LTBP1: variants seen among roughly 807,000 people sequenced by gnomAD.
The protein encoded by LTBP1 is latent-transforming growth factor beta-binding protein 1.
Under a neutral mutation model 207.6 loss-of-function variants are expected in LTBP1, and 129 were observed. That is an observed-to-expected ratio of 0.62 (90% CI 0.54 to 0.72). The LOEUF is 0.72. Among genes scored for constraint, LTBP1 ranks in the 30% least tolerant of loss-of-function variants. The probability of loss-of-function intolerance (pLI) is 0.00; values close to 1 mark genes in which losing one functional copy is unlikely to be tolerated. For synonymous variants in LTBP1, 963 were observed against 833.7 expected, an observed-to-expected ratio of 1.16 and a Z score of -2.67; for missense variants, 2,281 against 2,217.2, an observed-to-expected ratio of 1.03 and a Z score of -0.58.
intron 3 of LTBP1, among the ~76,000 whole-genome samples, chr2:33,088,438 C>T (rs2078880937): frequency 2.0e-5 from 3 of 151,348 alleles, no homozygotes; most frequent in South Asian, 4.2e-4. Flanking sequence ...GGCGACAGGG[C>T]GAGACTCCAT....
intron 5 of LTBP1, among the ~76,000 whole-genome samples, chr2:33,179,147 G>A (rs2086366657): frequency 6.6e-6 from 1 of 152,168 alleles, no homozygotes; most frequent in South Asian, 2.1e-4. Flanking sequence ...GGCTTTGAAT[G>A]CGGCCCAACA....
At chr2:33,264,605 A>G (rs1303022307) in intron 15 of LTBP1, among the ~76,000 whole-genome samples, 1 of 152,218 alleles carries the variant, frequency 6.6e-6, no homozygotes, top group Non-Finnish European at 1.5e-5. Flanking sequence ...GTAGGAAAAA[A>G]CAATACCAAG....
At chr2:33,363,148 C>A (rs1187833177) in intron 28 of LTBP1, among the ~76,000 whole-genome samples, 1 of 152,204 alleles carries the variant, frequency 6.6e-6, no homozygotes, top group African/African-American at 2.4e-5. Flanking sequence ...TTTACAAATA[C>A]ACTTCTCCTA....
chr2:33,386,604 C>T (rs2095267410), intron 31 of LTBP1, among the ~76,000 whole-genome samples: 2 of 152,188 alleles, frequency 1.3e-5, no homozygotes, highest in African/African-American at 4.8e-5. Context: ...GTGATAGGAT[C>T]GCTTGAGCCT....
intron 22 of LTBP1, among the ~76,000 whole-genome samples, chr2:33,306,099 T>C (rs2094087364): frequency 6.6e-6 from 1 of 152,224 alleles, no homozygotes; most frequent in South Asian, 2.1e-4. Flanking sequence ...TTCTTATTGC[T>C]TTGAAGACAG....
chr2:33,189,641 A>C (rs1236100935), intron 7 of LTBP1, among the ~76,000 whole-genome samples: 1 of 152,208 alleles, frequency 6.6e-6, no homozygotes, highest in Non-Finnish European at 1.5e-5. Context: ...CTTTTGCAGT[A>C]GTTTTGTTCA....
At chr2:33,036,798 TTAAA>T (rs906915132) in intron 3 of LTBP1, among the ~76,000 whole-genome samples, 2 of 152,180 alleles carry the variant, frequency 1.3e-5, no homozygotes, top group African/African-American at 2.4e-5. Context: ...GTTGCATAGT[TTAAA>T]AAGCTTTTTT....
At position 33,020,938 on chromosome 2, in the gene LTBP1, G is replaced by T. The variant is rs1475192894; in HGVS notation, c.595G>T (p.Gly199Trp). Residue 199 changes from glycine (G) to tryptophan (W), a missense_variant, in exon 3 of 34, where the codon GGG becomes TGG. By Grantham distance (184) the Gly-to-Trp change is radical (BLOSUM62 -2). Around this residue, in one of 3 missense-constraint regions of LTBP1, gnomAD observed 555 missense variants for 491.0 expected, o/e 1.13. Coordinates refer to ENST00000404816, the MANE Select transcript of LTBP1 (RefSeq NM_206943.4). ...PSCVPPCQNGGMCLRPQLCVC... is the reference protein window; with the variant it reads ...PSCVPPCQNGWMCLRPQLCVC... Reference sequence around the variant, plus strand: ...CTGTGTTCCGCCATGTCAGAATGGAGGGATGTGTCTCCGGCCACAACTCTG... The same window carrying T: ...CTGTGTTCCGCCATGTCAGAATGGATGGATGTGTCTCCGGCCACAACTCTG... 6.3e-7 allele frequency: 1 copy of T among 1,594,934 alleles called. No individual in the cohort carries two copies. Among genetic ancestry groups the T allele is most frequent in the African/African-American group, 1.3e-5 (1 of 74,702 alleles).
At chr2:33,080,534 A>G (rs1324683816) in intron 3 of LTBP1, among the ~76,000 whole-genome samples, 3 of 152,258 alleles carry the variant, frequency 2.0e-5, no homozygotes, top group African/African-American at 7.2e-5. Flanking sequence ...GTATGCATTC[A>G]TATTATTGTA....
chr2:33,040,038 G>A (rs1173911168), intron 3 of LTBP1, among the ~76,000 whole-genome samples: 1 of 152,166 alleles, frequency 6.6e-6, no homozygotes, highest in African/African-American at 2.4e-5. Context: ...TTTGGAATCT[G>A]GGAGTGGTTG....
intron 24 of LTBP1, among the ~76,000 whole-genome samples, chr2:33,331,292 A>G (rs901962845): frequency 6.6e-6 from 1 of 151,564 alleles, no homozygotes; most frequent in African/African-American, 2.4e-5. Flanking sequence ...CTTTATTTCT[A>G]ACTACTTGAA....
At chr2:33,231,517 G>A (rs889424941) in intron 9 of LTBP1, among the ~76,000 whole-genome samples, 2 of 152,184 alleles carry the variant, frequency 1.3e-5, no homozygotes, top group Non-Finnish European at 2.9e-5. Context: ...CAAAGCGCTT[G>A]TCTGGACTGT....
chr2:33,357,274 A>C (rs138481793), intron 26 of LTBP1, among the ~76,000 whole-genome samples: 209 of 151,824 alleles, frequency 1.4e-3, no homozygotes, highest in African/African-American at 4.8e-3. Context: ...GCTCAAACCT[A>C]CTCCTTCCTA....
chr2:33,265,729 T>G (rs545331683), intron 15 of LTBP1, among the ~76,000 whole-genome samples: 2 of 152,140 alleles, frequency 1.3e-5, no homozygotes, highest in East Asian at 1.9e-4. Flanking sequence ...TTTAAGTGTT[T>G]TATTTTAGAT....
chr2:33,337,077 T>A (rs1222507981), intron 24 of LTBP1, among the ~76,000 whole-genome samples: 1 of 152,234 alleles, frequency 6.6e-6, no homozygotes, highest in East Asian at 1.9e-4. Context: ...TAGAAAACCC[T>A]GCCTTCTTTC....
intron 5 of LTBP1, among the ~76,000 whole-genome samples, chr2:33,181,611 A>G (rs2086646073): frequency 6.6e-6 from 1 of 152,210 alleles, no homozygotes; most frequent in Non-Finnish European, 1.5e-5. Flanking sequence ...TGACTCTCTG[A>G]TGCAATATAG....
chr2:33,110,783 G>C (rs540800610), intron 4 of LTBP1, 32 bp downstream of exon 4: 1 of 1,597,416 alleles, frequency 6.3e-7, no homozygotes, highest in South Asian at 1.1e-5. Context: ...ATTTTCCCAA[G>C]TTATGGTATC....
intron 24 of LTBP1, among the ~76,000 whole-genome samples, chr2:33,319,540 C>T (rs560632380): frequency 2.6e-4 from 40 of 152,234 alleles, no homozygotes; most frequent in African/African-American, 8.7e-4. Flanking sequence ...CGTCTGTCCC[C>T]ATGGCCCATG....
At position 33,395,907 on chromosome 2, in the gene LTBP1, A is replaced by ATT. The variant is rs1192232196; in HGVS notation, c.4835-1213_4835-1212dup. On this transcript the variant is annotated intron_variant, in intron 32 of 33. Coordinates refer to ENST00000404816, the MANE Select transcript of LTBP1 (RefSeq NM_206943.4). ...GCCAGATAGAAAGTTCTAGCCATAT[A>ATT]TTTTTTTTTTTTTTGAAGCTACTTT... 3.1e-4 allele frequency among the ~76,000 whole-genome samples: 46 copies of ATT among 148,018 alleles called. 1 individual carries two copies. Among genetic ancestry groups the ATT allele is most frequent in the Admixed American group, 1.6e-3 (24 of 14,974 alleles).
Sources: allele counts gnomAD v4.1 joint callset (sites outside exome capture counted in the v4.1 genomes callset), GRCh38; gene constraint gnomAD v4.1.1; regional missense constraint gnomAD v4.1.1; transcripts MANE v1.5; gene names NCBI Gene and HGNC (gene_info 2026-07-23, HGNC 2026-07-21).